RNF138: variants seen among roughly 807,000 people sequenced by gnomAD.
RNF138 encodes ring finger protein 138, also known as E3 ubiquitin-protein ligase RNF138.
RNF138 carries 12 observed loss-of-function variants against 31.0 expected under a neutral mutation model. The ratio of observed to expected loss-of-function variants is 0.39; its 90% CI spans 0.25 to 0.63. The LOEUF (loss-of-function observed/expected upper bound fraction) is 0.63, where lower values mean the gene tolerates loss of function less well. RNF138 is among the 20% of genes least tolerant of loss of function. The pLI is 0.52. For synonymous variants in RNF138, 105 were observed against 99.5 expected, an observed-to-expected ratio of 1.06 and a Z score of -0.33; for missense variants, 192 against 300.1, an observed-to-expected ratio of 0.64 and a Z score of 2.66.
At chr18:32,125,835 C>G (rs1456298729) in intron 6 of RNF138, among the ~76,000 whole-genome samples, 1 of 152,120 alleles carries the variant, frequency 6.6e-6, no homozygotes, top group Non-Finnish European at 1.5e-5. Context: ...CTCTCACATA[C>G]CACCTAAGAA....
At chr18:32,110,343 AATG>A (rs778878633) in intron 2 of RNF138, among the ~76,000 whole-genome samples, 28 of 152,296 alleles carry the variant, frequency 1.8e-4, no homozygotes, top group African/African-American at 6.5e-4. Context: ...GTGCTGCTTT[AATG>A]ATATTAACTA....
At position 32,112,622 on chromosome 18, in the gene RNF138, C is replaced by T. The variant is rs146803080; in HGVS notation, c.276+703C>T. 1.5e-4 allele frequency among the ~76,000 whole-genome samples: 23 copies of T among 152,182 alleles called. 1 individual carries two copies. The East Asian group carries it at 2.5e-3, about 17-fold the overall frequency. ...GTTTGAACCTGGGCGGCAGAGGTTG[C>T]GGTGAGCTGAGATTGCGCCATTGCA... is the stretch of plus-strand genomic sequence containing the variant. On this transcript the variant is annotated intron_variant, in intron 3 of 7. Transcript: ENST00000261593.
In RNF138 at chr18:32,129,739, A is replaced by C. The variant is rs1039346623; in HGVS notation, c.*552A>C. ...TTTATATAACATTTACTATTTTTGA[A>C]GACTAGTGAGATTTCTGTAATAATT... is the stretch of plus-strand genomic sequence containing the variant. On this transcript the variant is annotated 3_prime_UTR_variant, in exon 8 of 8. Transcript: ENST00000261593. 6.6e-6 allele frequency: 1 copy of C among 152,564 alleles called. No individual in the cohort carries two copies. Among genetic ancestry groups the C allele is most frequent in the Non-Finnish European group, 1.5e-5 (1 of 67,980 alleles). 9.5% of individuals were successfully genotyped at this position (152,564 alleles called of 1,614,324 possible).
intron 2 of RNF138, among the ~76,000 whole-genome samples, chr18:32,094,236 T>C (rs1273721667): frequency 6.6e-6 from 1 of 151,762 alleles, no homozygotes; most frequent in African/African-American, 2.4e-5. Flanking sequence ...GGTTCTATAA[T>C]TTTGTAAAGG....
intron 4 of RNF138, among the ~76,000 whole-genome samples, chr18:32,123,157 A>G (rs940859534): frequency 9.2e-5 from 14 of 152,190 alleles, no homozygotes; most frequent in African/African-American, 2.4e-4. Context: ...TCTTGAGTCT[A>G]CCGTAGCATT....
At chr18:32,113,501 G>A (rs1016935736) in intron 3 of RNF138, among the ~76,000 whole-genome samples, 26 of 152,094 alleles carry the variant, frequency 1.7e-4, no homozygotes, top group African/African-American at 6.0e-4. Context: ...CAAGTGTGAA[G>A]TTATTTGCTG....
chr18:32,116,100 A>G (rs1198214965), intron 4 of RNF138, among the ~76,000 whole-genome samples: 1 of 152,226 alleles, frequency 6.6e-6, no homozygotes, highest in Non-Finnish European at 1.5e-5. Context: ...AAGTTAATAA[A>G]TAAGTTAATA....
chr18:32,100,871 C>CT (rs1568226391), intron 2 of RNF138, among the ~76,000 whole-genome samples: 1 of 152,152 alleles, frequency 6.6e-6, no homozygotes, highest in African/African-American at 2.4e-5. Context: ...TCCCAGAGTG[C>CT]TGGGATCACA....
chr18:32,117,236 T>C (rs2040232633), intron 4 of RNF138, among the ~76,000 whole-genome samples: 2 of 151,832 alleles, frequency 1.3e-5, no homozygotes, highest in African/African-American at 4.8e-5. Context: ...AGGAAAAATA[T>C]GATCTGTGTT....
At chr18:32,093,664 AG>A (rs1386340906) in intron 2 of RNF138, among the ~76,000 whole-genome samples, 2 of 152,204 alleles carry the variant, frequency 1.3e-5, no homozygotes, top group Non-Finnish European at 2.9e-5. Flanking sequence ...GCCGAAATTG[AG>A]ATGCTACCCA....
At chr18:32,121,621 G>T (rs759378867) in intron 4 of RNF138, among the ~76,000 whole-genome samples, 3 of 152,140 alleles carry the variant, frequency 2.0e-5, no homozygotes, top group Non-Finnish European at 4.4e-5. Context: ...TATTTTTAAA[G>T]GGCACATTCA....
rs532642480 is a variant in RNF138 at position 32,131,505 on chromosome 18, CAG to C, written c.*2321_*2322del. On this transcript the variant is annotated 3_prime_UTR_variant, in exon 8 of 8. Transcript: ENST00000261593. ...ACAAATTACAGTTTTATTGTTAAAA[CAG>C]AGTCTTATTTGAGATGTATTGCTTT... 14 of 152,248 alleles carry C rather than the reference CAG, an allele frequency of 9.2e-5. No homozygotes were observed. The highest frequency in any genetic ancestry group is 2.9e-4 in the African/African-American group (12 of 41,578). The allele number at this position is 152,248 out of a possible 1,614,324, so 9.4% of individuals were successfully genotyped here. A position where few individuals can be genotyped will look rare whatever the true frequency, so the allele number is the denominator to read the frequency against.
chr18:32,108,224 A>G (rs2040069315), intron 2 of RNF138, among the ~76,000 whole-genome samples: 1 of 152,136 alleles, frequency 6.6e-6, no homozygotes, highest in Admixed American at 6.5e-5. Flanking sequence ...AGCTCAGTGA[A>G]TTTTCCCAAA....
Position 32,100,468 on chromosome 18 carries a change from C to CTTTT in RNF138, c.110+7603_110+7606dup, listed in dbSNP as rs754111567. ...ATGTGCCACCACCACACCCAACTAA[C>CTTTT]TTTTTTTTTTTTTTTTTTTTTTTTG... On this transcript the variant is annotated intron_variant, in intron 2 of 7. Coordinates refer to ENST00000261593, the MANE Select transcript of RNF138 (RefSeq NM_016271.5). Among the ~76,000 whole-genome samples, 355 of 69,866 alleles carry CTTTT rather than the reference C, an allele frequency of 5.1e-3. 14 individuals are homozygous for CTTTT. The highest frequency in any genetic ancestry group is 7.8e-3 in the African/African-American group (144 of 18,368). The allele number at this position is 69,866 out of a possible 152,430, so 45.8% of individuals were successfully genotyped here.
chr18:32,124,638 T>C, intron 5 of RNF138, 96 bp from the exon 6 acceptor site: 1 of 675,550 alleles, frequency 1.5e-6, no homozygotes, highest in Non-Finnish European at 2.6e-6. Flanking sequence ...AATTATAACT[T>C]TTTTAAAAAA....
At chr18:32,100,243 G>A (rs2039903736) in intron 2 of RNF138, among the ~76,000 whole-genome samples, 1 of 150,924 alleles carries the variant, frequency 6.6e-6, no homozygotes, top group Admixed American at 6.6e-5. Flanking sequence ...TTGTACAGGG[G>A]AAGGAACAGT....
chr18:32,092,606 C>T (rs1038011290), intron 1 of RNF138, 94 bp from the exon 2 acceptor site: 8 of 594,736 alleles, frequency 1.3e-5, no homozygotes, highest in South Asian at 1.9e-5. Context: ...AGTAGCGTCT[C>T]TGCGTTCGGC....
chr18:32,123,651 A>ATT, intron 5 of RNF138, 77 bp downstream of exon 5: 1 of 1,005,262 alleles, frequency 9.9e-7, no homozygotes, highest in Non-Finnish European at 1.4e-6. Context: ...TTTAAATTAA[A>ATT]CTTTTTTTTT....
intron 7 of RNF138, among the ~76,000 whole-genome samples, chr18:32,128,018 T>TCTTTACTAAAAATACAAAAAGTTA (rs1309196331): frequency 6.6e-6 from 1 of 152,178 alleles, no homozygotes; most frequent in East Asian, 1.9e-4. Flanking sequence ...AGGCAGAGCT[T>TCTTTACTAAAAATACAAAAAGTTA]GCAGTGCGTG....
Sources: gnomAD v4.1 joint callset for allele counts (sites outside exome capture counted in the v4.1 genomes callset) on GRCh38, gnomAD v4.1.1 for gene constraint, MANE v1.5 for transcripts, NCBI Gene and HGNC (gene_info 2026-07-23, HGNC 2026-07-21) for gene names.